DLG1: variants seen among roughly 807,000 people sequenced by gnomAD.
DLG1 encodes the protein disks large homolog 1.
A neutral mutation model predicts 123.4 loss-of-function variants in DLG1; 42 were observed. That is an observed-to-expected ratio of 0.34 (90% CI 0.27 to 0.44). The LOEUF (loss-of-function observed/expected upper bound fraction) is 0.44. Among genes scored for constraint, DLG1 ranks in the 20% least tolerant of loss-of-function variants. The pLI, the probability that DLG1 is intolerant of heterozygous loss-of-function variation, is 1.00. For missense variants in DLG1, 942 were observed against 1,082.6 expected (o/e 0.87, Z 1.82); for synonymous variants, 317 against 356.2 (o/e 0.89, Z 1.24).
intron 4 of DLG1, among the ~76,000 whole-genome samples, chr3:197,261,491 A>G (rs1163402745): frequency 3.3e-5 from 5 of 152,204 alleles, no homozygotes; most frequent in Non-Finnish European, 7.3e-5. Flanking sequence ...TTAATGCATA[A>G]TAAGGAAGAG....
In DLG1 at chr3:197,097,338, G is replaced by A. The variant is rs144215206; in HGVS notation, c.1547-6312C>T. 3.0e-3 allele frequency among the ~76,000 whole-genome samples: 458 copies of A among 152,268 alleles called. 3 individuals carry two copies. Among genetic ancestry groups the A allele is most frequent in the African/African-American group, 9.6e-3 (399 of 41,552 alleles). On this transcript the variant is annotated intron_variant, in intron 14 of 24. Coordinates refer to ENST00000667157, the MANE Select transcript of DLG1 (RefSeq NM_001366207.1). ...CTACTGCATTTTCTTGTGAGGACTG[G>A]TTAACATTGGGCTTCTCCTGTTGCA...
rs1758835118 is a variant in DLG1 at position 197,260,455 on chromosome 3, T to G, written c.318+22224A>C. 2.9e-5 allele frequency: 6 copies of G among 209,114 alleles called. No homozygotes were observed. In the South Asian group the frequency reaches 3.7e-4, roughly 13 times the overall value. 13.0% of individuals were successfully genotyped at this position (209,114 alleles called of 1,614,324 possible). A position where few individuals can be genotyped will look rare whatever the true frequency, so the allele number is the denominator to read the frequency against. ...GGATCCATTCTTAGAGGTAGCAATT[T>G]TTCTACTATCTAAAATACAAGAAAC... is the stretch of plus-strand genomic sequence containing the variant. On this transcript the variant is annotated intron_variant, in intron 4 of 24. Transcript: ENST00000667157.
chr3:197,153,222 T>C (rs903979492), intron 5 of DLG1, among the ~76,000 whole-genome samples: 6 of 152,184 alleles, frequency 3.9e-5, no homozygotes, highest in African/African-American at 7.2e-5. Context: ...GTTAAAATGA[T>C]TGTAAAAACA....
At chr3:197,182,337 G>C (rs971782548) in intron 5 of DLG1, among the ~76,000 whole-genome samples, 4 of 152,104 alleles carry the variant, frequency 2.6e-5, no homozygotes, top group Non-Finnish European at 4.4e-5. Context: ...CATTCAATAA[G>C]TTTTGATTGT....
chr3:197,094,527 T>A (rs1423709298), intron 14 of DLG1, among the ~76,000 whole-genome samples: 2 of 152,252 alleles, frequency 1.3e-5, no homozygotes, highest in African/African-American at 4.8e-5. Flanking sequence ...GGAGGCTTAT[T>A]CTGTTTTCAT....
intron 4 of DLG1, among the ~76,000 whole-genome samples, chr3:197,275,996 T>C (rs527504253): frequency 1.3e-5 from 2 of 152,284 alleles, no homozygotes; most frequent in South Asian, 2.1e-4. Context: ...ACCATATAAA[T>C]ATGTATAATT....
intron 5 of DLG1, among the ~76,000 whole-genome samples, chr3:197,168,399 T>C (rs905490119): frequency 6.6e-6 from 1 of 152,190 alleles, no homozygotes; most frequent in Non-Finnish European, 1.5e-5. Context: ...ATTCATTTAG[T>C]TCACTTGAAA....
chr3:197,054,548 G>C (rs1356624128), intron 23 of DLG1, among the ~76,000 whole-genome samples: 2 of 152,040 alleles, frequency 1.3e-5, no homozygotes, highest in Non-Finnish European at 2.9e-5. Context: ...TTCCATTTCA[G>C]TTATTTTTAC....
intron 2 of DLG1, chr3:197,296,944 G>A (rs558872118): frequency 6.1e-6 from 3 of 489,980 alleles, no homozygotes; most frequent in African/African-American, 4.5e-5. Flanking sequence ...GGTTATTAAG[G>A]ACATCTGTTG....
At chr3:197,075,317 C>CAAAAAAAAA (rs58384491) in intron 18 of DLG1, among the ~76,000 whole-genome samples, 1 of 90,296 alleles carries the variant, frequency 1.1e-5, no homozygotes. Flanking sequence ...ATAACTTTCT[C>CAAAAAAAAA]AAAAAAAAAA....
intron 5 of DLG1, chr3:197,161,760 A>T (rs759821411): frequency 4.1e-6 from 6 of 1,454,434 alleles, no homozygotes; most frequent in Non-Finnish European, 5.6e-6. Context: ...CAATGACAAA[A>T]AATCAGGAAA....
At chr3:197,143,089 C>T (rs556812025) in intron 6 of DLG1, among the ~76,000 whole-genome samples, 12 of 152,278 alleles carry the variant, frequency 7.9e-5, no homozygotes, top group African/African-American at 2.2e-4. Context: ...GATTTGAACA[C>T]CTTAATTTTT....
Position 197,208,425 on chromosome 3 carries a change from T to C in DLG1, c.319-13836A>G, listed in dbSNP as rs139573605. Among the ~76,000 whole-genome samples the C allele has an allele frequency of 1.1e-3, 159 of 146,880 alleles. 6 individuals carry two copies. The highest frequency in any genetic ancestry group is 3.5e-3 in the African/African-American group (146 of 41,300). Reference sequence around the variant, plus strand: ...TTTAGGAATTTATCCTATAGAAATATTGCCATGTTTACAATCGAAGTGTGT... The same window carrying C: ...TTTAGGAATTTATCCTATAGAAATACTGCCATGTTTACAATCGAAGTGTGT... On this transcript the variant is annotated intron_variant, in intron 4 of 24. Transcript: ENST00000667157.
intron 5 of DLG1, among the ~76,000 whole-genome samples, chr3:197,169,025 T>C (rs989265437): frequency 6.6e-6 from 1 of 152,252 alleles, no homozygotes; most frequent in East Asian, 1.9e-4. Flanking sequence ...TGATTTGTTT[T>C]TAGAGATTAA....
At chr3:197,251,610 T>C (rs1250470350) in intron 4 of DLG1, among the ~76,000 whole-genome samples, 2 of 152,068 alleles carry the variant, frequency 1.3e-5, no homozygotes, top group South Asian at 2.1e-4. Flanking sequence ...GAATGAATGA[T>C]TTTTTGAGGT....
chr3:197,168,912 A>C (rs888638748), intron 5 of DLG1, among the ~76,000 whole-genome samples: 1 of 152,236 alleles, frequency 6.6e-6, no homozygotes, highest in African/African-American at 2.4e-5. Flanking sequence ...CACCGTCACA[A>C]GGAAATTGTA....
At chr3:197,132,994 T>G (rs9841556) in intron 10 of DLG1, among the ~76,000 whole-genome samples, 5,370 of 16,556 alleles carry the variant, frequency 0.32, 1,643 homozygotes, top group Middle Eastern at 0.56. Context: ...GTGGTATACT[T>G]CTGAAATACA....
chr3:197,089,844 T>C (rs73084516), intron 15 of DLG1, among the ~76,000 whole-genome samples: 1,759 of 152,236 alleles, frequency 0.012, 33 homozygotes, highest in African/African-American at 0.039. Context: ...ACTGCTAGAA[T>C]TGGCGAAGGG....
chr3:197,235,170 G>C (rs1745315196), intron 4 of DLG1, among the ~76,000 whole-genome samples: 2 of 152,138 alleles, frequency 1.3e-5, no homozygotes, highest in Admixed American at 1.3e-4. Flanking sequence ...CTTCCTGCCT[G>C]GAGGCCATTT....
Sources: gnomAD v4.1 joint callset for allele counts (sites outside exome capture counted in the v4.1 genomes callset) on GRCh38, gnomAD v4.1.1 for gene constraint, MANE v1.5 for transcripts, NCBI Gene and HGNC (gene_info 2026-07-23, HGNC 2026-07-21) for gene names.